AGBL4: variants seen among roughly 807,000 people sequenced by gnomAD.
AGBL4 encodes AGBL carboxypeptidase 4, also known as cytosolic carboxypeptidase 6.
A neutral mutation model predicts 66.4 loss-of-function variants in AGBL4; 58 were observed. That is an observed-to-expected ratio of 0.87 (90% CI 0.71 to 1.09). The LOEUF (loss-of-function observed/expected upper bound fraction) is 1.09. Ranked by LOEUF, AGBL4 falls within the 50% of genes least tolerant of loss-of-function variation. AGBL4 has a pLI of 0.00. For missense variants in AGBL4, 579 were observed against 631.0 expected (o/e 0.92, Z 0.88); for synonymous variants, 234 against 222.9 (o/e 1.05, Z -0.44).
chr1:48,881,608 GAA>G (rs1002286122), intron 5 of AGBL4, among the ~76,000 whole-genome samples: 2 of 152,128 alleles, frequency 1.3e-5, no homozygotes, highest in Non-Finnish European at 2.9e-5. Flanking sequence ...GCTAAAGTTG[GAA>G]ATACACATCT....
intron 3 of AGBL4, among the ~76,000 whole-genome samples, chr1:49,296,746 C>T (rs1431638): frequency 0.53 from 79,993 of 151,950 alleles, 22,326 homozygotes; most frequent in Middle Eastern, 0.62. Flanking sequence ...AAATAGGTAC[C>T]TAGCTGCCAG....
intron 6 of AGBL4, chr1:48,776,579 A>C (rs2148710293): frequency 6.2e-6 from 6 of 971,364 alleles, no homozygotes; most frequent in Non-Finnish European, 6.7e-6. Context: ...CCCGGGTCCC[A>C]CCGTCCCTCC....
At chr1:49,931,645 T>A (rs191412430) in intron 1 of AGBL4, among the ~76,000 whole-genome samples, 10 of 152,224 alleles carry the variant, frequency 6.6e-5, no homozygotes, top group South Asian at 4.2e-4. Context: ...GAGATGAGAT[T>A]TGGGTGAGGA....
chr1:48,726,568 G>A lies in AGBL4; in HGVS notation c.635-63327C>T, dbSNP rs1237210630. ...ATTAATATTATTAAGTTATCCACAC[G>A]GCCTATGAGGTAGGCATTATTTTCC... is the stretch of plus-strand genomic sequence containing the variant. On this transcript the variant is annotated intron_variant, in intron 6 of 13. Transcript: ENST00000371839. Among the ~76,000 whole-genome samples, 8 of 152,132 alleles carry A rather than the reference G, an allele frequency of 5.3e-5. No individual in the cohort carries two copies. In the East Asian group the frequency reaches 1.3e-3, roughly 26 times the overall value.
At chr1:49,918,632 T>A (rs1437586054) in intron 1 of AGBL4, among the ~76,000 whole-genome samples, 1 of 152,132 alleles carries the variant, frequency 6.6e-6, no homozygotes, top group Non-Finnish European at 1.5e-5. Context: ...ACCAGATGGA[T>A]TCACAGCCGA....
intron 3 of AGBL4, among the ~76,000 whole-genome samples, chr1:49,573,288 C>T (rs958418848): frequency 3.3e-5 from 5 of 151,534 alleles, no homozygotes; most frequent in Non-Finnish European, 5.9e-5. Context: ...GGAGTTCTTT[C>T]GTTGGTTTTG....
Position 48,534,412 on chromosome 1 carries a change from A to G in AGBL4, c.1392-119T>C, listed in dbSNP as rs1643936455. The G allele has an allele frequency of 2.2e-6, 3 of 1,344,424 alleles. No homozygotes were observed. The Admixed American group carries it at 8.6e-5, about 39-fold the overall frequency. The allele number at this position is 1,344,424 out of a possible 1,614,324, so 83.3% of individuals were successfully genotyped here. A position where few individuals can be genotyped will look rare whatever the true frequency, so the allele number is the denominator to read the frequency against. On this transcript the variant is annotated intron_variant, in intron 13 of 13. Coordinates refer to ENST00000371839, the MANE Select transcript of AGBL4 (RefSeq NM_032785.4). The stretch of plus-strand genomic sequence containing the variant: ...TGTAGCCTCCCAGGAACAGTAACCT[A>G]GTCTTCTTCCCACAGACACTAAAGG...
At chr1:48,557,921 A>G (rs1557784490) in intron 11 of AGBL4, among the ~76,000 whole-genome samples, 1 of 90,098 alleles carries the variant, frequency 1.1e-5, no homozygotes, top group Non-Finnish European at 2.9e-5. Context: ...TTAGATTGTG[A>G]GCTCTTTGAG....
chr1:49,847,452 T>A (rs972819304), intron 2 of AGBL4, among the ~76,000 whole-genome samples: 49 of 151,854 alleles, frequency 3.2e-4, no homozygotes, highest in Admixed American at 3.1e-3. Flanking sequence ...GCAAAAGAAA[T>A]AATCAACACA....
At chr1:48,660,584 A>G (rs1646091927) in intron 7 of AGBL4, among the ~76,000 whole-genome samples, 2 of 152,228 alleles carry the variant, frequency 1.3e-5, no homozygotes, top group Admixed American at 6.5e-5. Flanking sequence ...ACACCCTTAG[A>G]AAAGACCATG....
At chr1:49,786,172 C>T (rs1016474219) in intron 2 of AGBL4, among the ~76,000 whole-genome samples, 3 of 151,998 alleles carry the variant, frequency 2.0e-5, no homozygotes, top group Non-Finnish European at 2.9e-5. Flanking sequence ...AGAGAATCCT[C>T]GCTACCATCT....
At chr1:49,704,235 TTATAAATTTA>T (rs1647158693) in intron 2 of AGBL4, among the ~76,000 whole-genome samples, 1 of 152,100 alleles carries the variant, frequency 6.6e-6, no homozygotes, top group South Asian at 2.1e-4. Flanking sequence ...GTGAAAACTG[TTATAAATTTA>T]GTAATCAAGA....
rs568781030 is a variant in AGBL4 at position 49,141,040 on chromosome 1, T to C, written c.378-95240A>G. On this transcript the variant is annotated intron_variant, in intron 4 of 13. Transcript: ENST00000371839. Reference sequence around the variant, plus strand: ...AATCAAGAGGGAAACTCAGTTTTAATGGAATTTATATTTAAACACAACAGG... The same window carrying C: ...AATCAAGAGGGAAACTCAGTTTTAACGGAATTTATATTTAAACACAACAGG... 1.2e-3 allele frequency among the ~76,000 whole-genome samples: 181 copies of C among 152,302 alleles called. 1 individual carries two copies. The highest frequency in any genetic ancestry group is 4.3e-3 in the African/African-American group (178 of 41,566).
chr1:48,561,597 G>A (rs938263988), intron 11 of AGBL4, among the ~76,000 whole-genome samples: 2 of 152,198 alleles, frequency 1.3e-5, no homozygotes, highest in Admixed American at 1.3e-4. Flanking sequence ...AAATTTAAGT[G>A]AGTAGACTTA....
chr1:49,202,905 C>A (rs1410039450), intron 4 of AGBL4, among the ~76,000 whole-genome samples: 1 of 151,398 alleles, frequency 6.6e-6, no homozygotes, highest in East Asian at 1.9e-4. Flanking sequence ...TCCTACAAAT[C>A]AAAAACAAAA....
At chr1:49,810,411 T>C (rs1645072473) in intron 2 of AGBL4, among the ~76,000 whole-genome samples, 1 of 152,178 alleles carries the variant, frequency 6.6e-6, no homozygotes, top group Non-Finnish European at 1.5e-5. Context: ...GTTTAAACAA[T>C]TGTTTTAGTA....
chr1:49,417,053 C>A (rs1011955918), intron 3 of AGBL4, among the ~76,000 whole-genome samples: 4 of 151,988 alleles, frequency 2.6e-5, no homozygotes, highest in Non-Finnish European at 5.9e-5. Context: ...GTTCTGGGTC[C>A]ATGGGCCACA....
chr1:48,768,702 T>G (rs900644375), intron 6 of AGBL4, among the ~76,000 whole-genome samples: 2 of 152,206 alleles, frequency 1.3e-5, no homozygotes, highest in African/African-American at 2.4e-5. Context: ...GAGCCTAATT[T>G]GGTATGAGTT....
At chr1:49,974,583 A>G (rs931270361) in intron 1 of AGBL4, among the ~76,000 whole-genome samples, 1 of 152,168 alleles carries the variant, frequency 6.6e-6, no homozygotes, top group Non-Finnish European at 1.5e-5. Context: ...AGGAACAGAA[A>G]TCTGGTACTG....
Sources: allele counts gnomAD v4.1 joint callset (sites outside exome capture counted in the v4.1 genomes callset), GRCh38; gene constraint gnomAD v4.1.1; transcripts MANE v1.5; gene names NCBI Gene and HGNC (gene_info 2026-07-23, HGNC 2026-07-21).